Variants in PTPRG observed in about 807,000 individuals in gnomAD.
PTPRG encodes the protein protein tyrosine phosphatase receptor type G.
A neutral mutation model predicts 165.3 loss-of-function variants in PTPRG; 102 were observed. That is an observed-to-expected ratio of 0.62 (90% CI 0.53 to 0.73). The LOEUF is 0.73. Among genes scored for constraint, PTPRG ranks in the 30% least tolerant of loss-of-function variants. The pLI, the probability that PTPRG is intolerant of heterozygous loss-of-function variation, is 0.00. For missense variants in PTPRG, 1,866 were observed against 1,861.4 expected (o/e 1.00, Z -0.05); for synonymous variants, 675 against 669.5 (o/e 1.01, Z -0.13).
intron 5 of PTPRG, among the ~76,000 whole-genome samples, chr3:62,129,876 C>A (rs936029883): frequency 6.6e-6 from 1 of 152,092 alleles, no homozygotes; most frequent in Non-Finnish European, 1.5e-5. Context: ...GATCAGGTGG[C>A]CAGCAAATGT....
In PTPRG at chr3:62,203,887, A is replaced by G. The variant is rs1201378578; in HGVS notation, c.2092A>G (p.Lys698Glu). Residue 698 changes from lysine (K) to glutamate (E), a missense_variant, in exon 12 of 30, where the codon AAA becomes GAA. By Grantham distance (56) the Lys-to-Glu change is moderately conservative. Coordinates refer to ENST00000474889, the MANE Select transcript of PTPRG (RefSeq NM_002841.4). The surrounding 1 kb of genome is among the most constrained non-coding windows in gnomAD (Gnocchi z 6.4). The part of the protein sequence containing the change: ...SDPKRPEMPS[K>E]KPMSRGDRFS... ...TCCCAAGAGGCCCGAAATGCCATCT[A>G]AAAAGCCTATGTCCCGCGGGGACCG... 2 of 1,613,134 alleles carry G rather than the reference A, an allele frequency of 1.2e-6. No homozygotes were observed. The highest frequency in any genetic ancestry group is 1.3e-5 in the African/African-American group (1 of 74,924).
At chr3:61,844,109 A>G (rs2036735059) in intron 2 of PTPRG, among the ~76,000 whole-genome samples, 1 of 151,930 alleles carries the variant, frequency 6.6e-6, no homozygotes, top group African/African-American at 2.4e-5. Flanking sequence ...GATTACAGGC[A>G]TGTGCCCCCA....
At chr3:62,095,076 A>C (rs1483940497) in intron 5 of PTPRG, among the ~76,000 whole-genome samples, 1 of 152,188 alleles carries the variant, frequency 6.6e-6, no homozygotes, top group Non-Finnish European at 1.5e-5. Context: ...CAAACATGTA[A>C]AATCAGCCTG....
chr3:62,029,468 C>CA (rs1019700822), intron 4 of PTPRG, among the ~76,000 whole-genome samples: 1 of 152,206 alleles, frequency 6.6e-6, no homozygotes, highest in Non-Finnish European at 1.5e-5. Context: ...AACGCTAAAA[C>CA]ACTAGATATT....
chr3:61,922,747 C>T lies in PTPRG; in HGVS notation c.191-66878C>T, dbSNP rs1392574667. Among the ~76,000 whole-genome samples, 6 of 152,134 alleles carry T rather than the reference C, an allele frequency of 3.9e-5. No individual in the cohort carries two copies. In the East Asian group the frequency reaches 7.7e-4, roughly 20 times the overall value. ...CCTCGGCTTCCTGGGCTCAGGTGAT[C>T]GTCCTGCTTCAGCCTCCTGAATAGC... is the stretch of plus-strand genomic sequence containing the variant. On this transcript the variant is annotated intron_variant, in intron 2 of 29. Coordinates refer to ENST00000474889, the MANE Select transcript of PTPRG (RefSeq NM_002841.4).
intron 2 of PTPRG, among the ~76,000 whole-genome samples, chr3:61,984,933 C>G (rs2040722251): frequency 6.6e-6 from 1 of 152,146 alleles, no homozygotes. Flanking sequence ...GATGTATTCC[C>G]CATGATTATA....
chr3:62,012,225 G>T (rs888383448), intron 4 of PTPRG, among the ~76,000 whole-genome samples: 9 of 152,298 alleles, frequency 5.9e-5, no homozygotes, highest in Non-Finnish European at 1.2e-4. Flanking sequence ...CTGAGCTTCT[G>T]CAGGCTTGGC....
At chr3:62,004,793 T>A (rs1333855624) in intron 4 of PTPRG, among the ~76,000 whole-genome samples, 1 of 152,230 alleles carries the variant, frequency 6.6e-6, no homozygotes, top group Non-Finnish European at 1.5e-5. Context: ...AGGAGCTGCA[T>A]GGCCAAGAAA....
intron 10 of PTPRG, among the ~76,000 whole-genome samples, chr3:62,199,201 C>T (rs1025971194): frequency 6.6e-6 from 1 of 152,172 alleles, no homozygotes; most frequent in African/African-American, 2.4e-5. Context: ...CTTTGAGCAG[C>T]TCAATGATCA....
intron 1 of PTPRG, among the ~76,000 whole-genome samples, chr3:61,745,242 T>G (rs955807804): frequency 6.6e-6 from 1 of 152,096 alleles, no homozygotes; most frequent in South Asian, 2.1e-4. Context: ...AGAGACGAGG[T>G]TTCACCATGT....
intron 4 of PTPRG, among the ~76,000 whole-genome samples, chr3:62,004,768 A>G (rs1226051293): frequency 1.3e-5 from 2 of 152,218 alleles, no homozygotes; most frequent in Non-Finnish European, 2.9e-5. Flanking sequence ...TTCACTGGTA[A>G]CATATGTTAA....
At chr3:62,177,715 G>T (rs1193879925) in intron 8 of PTPRG, among the ~76,000 whole-genome samples, 1 of 152,072 alleles carries the variant, frequency 6.6e-6, no homozygotes, top group Non-Finnish European at 1.5e-5. Flanking sequence ...CTACCTGGAA[G>T]GCCCTTGTCC....
chr3:61,702,665 A>G (rs1440474628), intron 1 of PTPRG, among the ~76,000 whole-genome samples: 3 of 152,188 alleles, frequency 2.0e-5, no homozygotes, highest in African/African-American at 7.2e-5. Context: ...TTCCAGGCAC[A>G]TCTGTCATTT....
chr3:61,857,387 A>G (rs1436151947), intron 2 of PTPRG, among the ~76,000 whole-genome samples: 2 of 152,146 alleles, frequency 1.3e-5, no homozygotes, highest in African/African-American at 2.4e-5. Context: ...GTGGCTCTCT[A>G]CAGCACCATG....
chr3:61,713,161 TA>T (rs1244526105), intron 1 of PTPRG, among the ~76,000 whole-genome samples: 24 of 146,722 alleles, frequency 1.6e-4, no homozygotes, highest in Non-Finnish European at 2.7e-4. Flanking sequence ...AAACATCAAA[TA>T]TGTTTTTTTT....
chr3:61,802,617 A>G (rs1206329290), intron 2 of PTPRG, among the ~76,000 whole-genome samples: 2 of 152,128 alleles, frequency 1.3e-5, no homozygotes, highest in African/African-American at 4.8e-5. Flanking sequence ...ATAATTGTTA[A>G]TTATGTCCAT....
chr3:62,182,238 C>T (rs1285791257), intron 8 of PTPRG, among the ~76,000 whole-genome samples: 1 of 152,070 alleles, frequency 6.6e-6, no homozygotes, highest in African/African-American at 2.4e-5. Context: ...ATAAATTGAC[C>T]CATGCAGTTC....
intron 2 of PTPRG, among the ~76,000 whole-genome samples, chr3:61,893,725 C>CT (rs1188110727): frequency 1.3e-5 from 2 of 152,296 alleles, no homozygotes; most frequent in African/African-American, 4.8e-5. Flanking sequence ...TATCATCAGG[C>CT]TTTCAGTGGT....
chr3:61,961,609 A>G (rs1467611498), intron 2 of PTPRG, among the ~76,000 whole-genome samples: 1 of 152,148 alleles, frequency 6.6e-6, no homozygotes, highest in Non-Finnish European at 1.5e-5. Context: ...AGAGTATTTT[A>G]AAAATAGAAA....
Sources: gnomAD v4.1 joint callset for allele counts (sites outside exome capture counted in the v4.1 genomes callset) on GRCh38, gnomAD v4.1.1 for gene constraint, Gnocchi (gnomAD v3.1) non-coding constraint, MANE v1.5 for transcripts, NCBI Gene and HGNC (gene_info 2026-07-23, HGNC 2026-07-21) for gene names.